TTC13: variants seen among roughly 807,000 people sequenced by gnomAD.
TTC13 encodes the protein tetratricopeptide repeat protein 13.
A neutral mutation model predicts 120.0 loss-of-function variants in TTC13; 62 were observed. The ratio of observed to expected loss-of-function variants is 0.52; its 90% CI spans 0.42 to 0.64. The LOEUF (loss-of-function observed/expected upper bound fraction) is 0.64. Ranked by LOEUF, TTC13 falls within the 30% of genes least tolerant of loss-of-function variation. TTC13 has a pLI of 0.00. For missense variants in TTC13, 824 were observed against 1,050.2 expected (o/e 0.78, Z 2.98); for synonymous variants, 384 against 393.5 (o/e 0.98, Z 0.28).
intron 18 of TTC13, among the ~76,000 whole-genome samples, chr1:230,913,103 C>T (rs1473778239): frequency 1.3e-5 from 2 of 152,100 alleles, no homozygotes; most frequent in Non-Finnish European, 2.9e-5. Flanking sequence ...TTCTAAGCCA[C>T]CCCATTAGGA....
chr1:230,963,376 C>A (rs1013649099), intron 1 of TTC13, among the ~76,000 whole-genome samples: 1 of 152,142 alleles, frequency 6.6e-6, no homozygotes, highest in Non-Finnish European at 1.5e-5. Flanking sequence ...CGGTGACTCA[C>A]ACCTGCAATC....
chr1:230,976,685 T>C (rs536072407), intron 1 of TTC13, among the ~76,000 whole-genome samples: 2 of 152,050 alleles, frequency 1.3e-5, no homozygotes, highest in Admixed American at 6.6e-5. Context: ...AAGTACTACA[T>C]GGGAGAGAGA....
chr1:230,957,115 TG>T, intron 3 of TTC13, among the ~76,000 whole-genome samples: 1 of 152,332 alleles, frequency 6.6e-6, no homozygotes, highest in Middle Eastern at 3.4e-3. Context: ...AGACCAGATC[TG>T]ATGCCTTAAA....
chr1:230,948,581 C>G, intron 4 of TTC13, among the ~76,000 whole-genome samples: 1 of 151,852 alleles, frequency 6.6e-6, no homozygotes, highest in East Asian at 1.9e-4. Context: ...CAGCCTCAAA[C>G]TCCTGGGCTC....
Position 230,911,599 on chromosome 1 carries a change from A to G in TTC13, c.2230-50T>C, listed in dbSNP as rs1671513358. On this transcript the variant is annotated intron_variant, in intron 19 of 22. Transcript: ENST00000366661. ...TAAATACTATAAAGATTACAAACTA[A>G]TTTTTCATTAGGTGACAGAACACAC... is the stretch of plus-strand genomic sequence containing the variant. 6.5e-6 allele frequency: 8 copies of G among 1,225,380 alleles called. No homozygotes were observed. The East Asian group carries it at 1.7e-4, about 27-fold the overall frequency. 75.9% of individuals were successfully genotyped at this position (1,225,380 alleles called of 1,614,324 possible).
chr1:230,975,702 T>G (rs554496265), intron 1 of TTC13, among the ~76,000 whole-genome samples: 1 of 152,048 alleles, frequency 6.6e-6, no homozygotes, highest in Non-Finnish European at 1.5e-5. Context: ...AGGTAAAATG[T>G]AAAAATGTGG....
intron 12 of TTC13, among the ~76,000 whole-genome samples, chr1:230,927,008 T>C (rs1572205823): frequency 6.6e-6 from 1 of 152,260 alleles, no homozygotes; most frequent in Non-Finnish European, 1.5e-5. Flanking sequence ...AGAGCACAGC[T>C]TACTGACTTG....
Position 230,940,908 on chromosome 1 carries a change from T to C in TTC13, c.673-352A>G, listed in dbSNP as rs1480212985. On this transcript the variant is annotated intron_variant, in intron 6 of 22. Transcript: ENST00000366661. The surrounding 1 kb of genome is among the most constrained non-coding windows in gnomAD (Gnocchi z 4.1). ...CATCTATACACAAAGATGTCAAAAT[T>C]AACCTGAAAGATAACTTTGAACCAT... is the stretch of plus-strand genomic sequence containing the variant. Among the ~76,000 whole-genome samples, 3 of 152,248 alleles carry C rather than the reference T, an allele frequency of 2.0e-5. No homozygotes were observed. Among genetic ancestry groups the C allele is most frequent in the Non-Finnish European group, 4.4e-5 (3 of 68,044 alleles).
Position 230,908,754 on chromosome 1 carries a change from T to A in TTC13, c.2426A>T (p.Glu809Val). 6.2e-7 allele frequency: 1 copy of A among 1,613,804 alleles called. No homozygotes were observed. The part of the protein sequence containing the change: ...DFEAMTAPGS[E>V]AFSKVAKSWM... ...GCTTTTGGCGACTTTGCTAAAGGCC[T>A]CTGAACCAGGGGCTGTCATAGCTTC... The change falls in exon 22 of 23, where the codon GAG becomes GTG. Residue 809 changes from glutamate to valine, a missense_variant. Glu to Val is a moderately radical substitution (Grantham distance 121). Around this residue, in one of 4 missense-constraint regions of TTC13, gnomAD observed 226 missense variants for 259.1 expected, o/e 0.87. Coordinates refer to ENST00000366661, the MANE Select transcript of TTC13 (RefSeq NM_024525.5).
chr1:230,970,371 G>C (rs1160547974), intron 1 of TTC13, among the ~76,000 whole-genome samples: 3 of 152,236 alleles, frequency 2.0e-5, no homozygotes, highest in African/African-American at 7.2e-5. Context: ...GAGGCAGAGG[G>C]ATGGGGCAGT....
chr1:230,959,137 A>G (rs1676382671), intron 2 of TTC13, among the ~76,000 whole-genome samples: 1 of 152,260 alleles, frequency 6.6e-6, no homozygotes, highest in Admixed American at 6.5e-5. Context: ...AAAAAAAGCA[A>G]GTAAATTGCT....
intron 8 of TTC13, among the ~76,000 whole-genome samples, chr1:230,935,467 C>T (rs1222418774): frequency 1.3e-5 from 2 of 152,074 alleles, no homozygotes; most frequent in African/African-American, 2.4e-5. Flanking sequence ...TGAGTTGGGC[C>T]TTGGAGAATG....
chr1:230,943,909 C>A lies in TTC13; in HGVS notation c.580-11G>T. 1 of 1,600,140 alleles carries A rather than the reference C, an allele frequency of 6.2e-7. No homozygotes were observed. The highest frequency in any genetic ancestry group is 8.5e-7 in the Non-Finnish European group (1 of 1,171,496). Reference sequence around the variant, plus strand: ...AGCATTCTTAATGTCCTTGAAAAGGCATTAGCTTAGTATGAGACATACTGT... The same window carrying A: ...AGCATTCTTAATGTCCTTGAAAAGGAATTAGCTTAGTATGAGACATACTGT... On this transcript the variant is annotated splice_polypyrimidine_tract_variant and intron_variant, in intron 5 of 22. Transcript: ENST00000366661.
chr1:230,913,299 G>A (rs748413085), intron 18 of TTC13, among the ~76,000 whole-genome samples: 4 of 152,054 alleles, frequency 2.6e-5, no homozygotes, highest in African/African-American at 7.3e-5. Context: ...TTTAGTCCTC[G>A]GAGCCTACAA....
At chr1:230,943,705 T>G in intron 6 of TTC13, 101 bp downstream of exon 6, 1 of 926,010 alleles carries the variant, frequency 1.1e-6, no homozygotes, top group African/African-American at 1.7e-5. Flanking sequence ...ACATAAGAGT[T>G]TTAAGGGAGC....
chr1:230,950,846 T>G (rs1675503387), intron 4 of TTC13, among the ~76,000 whole-genome samples: 1 of 152,206 alleles, frequency 6.6e-6, no homozygotes, highest in Non-Finnish European at 1.5e-5. Context: ...CATCCCTGCA[T>G]GAGGACCAAA....
chr1:230,966,887 G>C (rs1345247567), intron 1 of TTC13, among the ~76,000 whole-genome samples: 1 of 152,164 alleles, frequency 6.6e-6, no homozygotes, highest in Non-Finnish European at 1.5e-5. Flanking sequence ...AACCTAGGCA[G>C]TCTGGTTCTG....
intron 8 of TTC13, among the ~76,000 whole-genome samples, chr1:230,937,795 T>TA (rs979627680): frequency 1.3e-5 from 2 of 152,232 alleles, no homozygotes; most frequent in Admixed American, 6.5e-5. Flanking sequence ...ACTTTTCACA[T>TA]AGAGTATTTT....
Position 230,931,540 on chromosome 1 carries a change from T to C in TTC13, c.1126-68A>G, listed in dbSNP as rs12047832. Reference sequence around the variant, plus strand: ...AACTTTGAAATGCTTTATTCTTTACTCTGGAATTAGTTTTCCCTCCAGGTT... The same window carrying C: ...AACTTTGAAATGCTTTATTCTTTACCCTGGAATTAGTTTTCCCTCCAGGTT... On this transcript the variant is annotated intron_variant, in intron 10 of 22. Coordinates refer to ENST00000366661, the MANE Select transcript of TTC13 (RefSeq NM_024525.5). 1.5e-4 allele frequency: 237 copies of C among 1,564,886 alleles called. 2 individuals are homozygous for C. The East Asian group carries it at 3.2e-3, about 21-fold the overall frequency.
Sources: gnomAD v4.1 joint callset for allele counts (sites outside exome capture counted in the v4.1 genomes callset) on GRCh38, gnomAD v4.1.1 for gene constraint, gnomAD v4.1.1 regional missense constraint, Gnocchi (gnomAD v3.1) non-coding constraint, MANE v1.5 for transcripts, NCBI Gene and HGNC (gene_info 2026-07-23, HGNC 2026-07-21) for gene names.